GPHN: variants seen among roughly 807,000 people sequenced by gnomAD.
GPHN encodes gephyrin.
In GPHN, 17 loss-of-function variants were observed where a neutral mutation model predicts 95.5. The observed-to-expected ratio is 0.18, with a 90% confidence interval of 0.12 to 0.27. The LOEUF is 0.27. Ranked by LOEUF, GPHN falls within the 10% of genes least tolerant of loss-of-function variation. The probability of loss-of-function intolerance (pLI) is 1.00; values close to 1 mark genes in which losing one functional copy is unlikely to be tolerated. For synonymous variants in GPHN, 320 were observed against 322.5 expected, an observed-to-expected ratio of 0.99 and a Z score of 0.08; for missense variants, 660 against 978.1, an observed-to-expected ratio of 0.67 and a Z score of 4.34.
At chr14:67,596,295 A>ATTTTTTTTTT in the GPHN span, among the ~76,000 whole-genome samples, 5 of 60,218 alleles carry the variant, frequency 8.3e-5, 1 homozygote, top group East Asian at 1.7e-3. Context: ...CGCCCAGCTA[A>ATTTTTTTTTT]TTTTTTTTTT....
At chr14:67,586,618 AAAT>A in the GPHN span, 1 of 438,142 alleles carries the variant, frequency 2.3e-6, no homozygotes, top group Non-Finnish European at 4.0e-6. Flanking sequence ...TGACCAGCAA[AAAT>A]AATAATTACA....
chr14:67,048,312 C>T (rs777321730), intron 10 of GPHN, among the ~76,000 whole-genome samples: 2 of 152,180 alleles, frequency 1.3e-5, no homozygotes, highest in Non-Finnish European at 2.9e-5. Flanking sequence ...GGAAATCTCA[C>T]TAACATTTTT....
chr14:66,720,764 C>G (rs145497562), intron 2 of GPHN, among the ~76,000 whole-genome samples: 160 of 152,222 alleles, frequency 1.1e-3, no homozygotes, highest in African/African-American at 3.7e-3. Flanking sequence ...TTTTTGGAGT[C>G]CAACGCAAGT....
the GPHN span, among the ~76,000 whole-genome samples, chr14:67,604,752 CT>C: frequency 6.6e-6 from 1 of 151,892 alleles, no homozygotes; most frequent in South Asian, 2.1e-4. Context: ...TTTTTTTTCC[CT>C]AGAAGCTTAA....
At chr14:67,573,155 C>G in the GPHN span, 2 of 654,006 alleles carry the variant, frequency 3.1e-6, no homozygotes, top group East Asian at 5.5e-5. This position sits in a 1 kb window ranked among gnomAD's most constrained non-coding sequence, Gnocchi z 4.8. Flanking sequence ...AGTAGGTACT[C>G]AATAATTTTG....
chr14:67,301,257 C>A, the GPHN span: 47 of 484,460 alleles, frequency 9.7e-5, 1 homozygote, highest in Non-Finnish European at 1.6e-4. Flanking sequence ...TCTAATAATT[C>A]TTTTTAGTGA....
At chr14:66,803,297 GA>G (rs1421873282) in intron 3 of GPHN, among the ~76,000 whole-genome samples, 1 of 152,194 alleles carries the variant, frequency 6.6e-6, no homozygotes, top group Non-Finnish European at 1.5e-5. Context: ...ACTGCCACGG[GA>G]TAGGACAGGG....
At chr14:66,760,194 C>G (rs1389858924) in intron 2 of GPHN, among the ~76,000 whole-genome samples, 6 of 152,118 alleles carry the variant, frequency 3.9e-5, no homozygotes, top group African/African-American at 1.2e-4. Context: ...TTCTATCTAG[C>G]ACATGAAATA....
At chr14:66,960,672 T>G (rs2068839848) in intron 8 of GPHN, among the ~76,000 whole-genome samples, 1 of 152,108 alleles carries the variant, frequency 6.6e-6, no homozygotes, top group South Asian at 2.1e-4. Context: ...AGGTCACACT[T>G]CAACACTCAG....
chr14:67,495,127 T>C, the GPHN span, among the ~76,000 whole-genome samples: 1 of 151,838 alleles, frequency 6.6e-6, no homozygotes. Context: ...GGACAGGGGG[T>C]GGGGCCCAGG....
At chr14:67,289,146 T>C in the GPHN span, among the ~76,000 whole-genome samples, 37 of 151,210 alleles carry the variant, frequency 2.4e-4, no homozygotes, top group Middle Eastern at 3.4e-3. Flanking sequence ...TTTGCATTTT[T>C]TTGTAGACCT....
At chr14:67,508,559 A>G in the GPHN span, among the ~76,000 whole-genome samples, 1 of 151,302 alleles carries the variant, frequency 6.6e-6, no homozygotes, top group Admixed American at 6.6e-5. Flanking sequence ...CACCACCTTA[A>G]CCCTCATTCC....
At chr14:66,776,405 T>A in intron 2 of GPHN, 59 bp from the exon 3 acceptor site, 1 of 1,002,278 alleles carries the variant, frequency 1.0e-6, no homozygotes, top group Non-Finnish European at 1.6e-6. Context: ...GGCAGAAATC[T>A]TTCATACATT....
chr14:66,963,804 A>G (rs548207486), intron 8 of GPHN, among the ~76,000 whole-genome samples: 12 of 152,190 alleles, frequency 7.9e-5, no homozygotes, highest in South Asian at 6.2e-4. Context: ...ATATCTTTGG[A>G]ATTAAGGATG....
At chr14:66,728,768 A>G (rs1047830900) in intron 2 of GPHN, among the ~76,000 whole-genome samples, 2 of 152,088 alleles carry the variant, frequency 1.3e-5, no homozygotes, top group Non-Finnish European at 2.9e-5. Context: ...CTCAGATGAG[A>G]CTTTGGGCTG....
chr14:66,722,724 T>C (rs1310258224), intron 2 of GPHN, among the ~76,000 whole-genome samples: 1 of 152,076 alleles, frequency 6.6e-6, no homozygotes, highest in East Asian at 1.9e-4. Flanking sequence ...ATTACAGGAG[T>C]GAGCCACCAT....
the GPHN span, among the ~76,000 whole-genome samples, chr14:67,461,756 G>C: frequency 6.6e-6 from 1 of 152,374 alleles, no homozygotes; most frequent in East Asian, 1.9e-4. Flanking sequence ...CCTGCAAAAG[G>C]TGCCATCTGG....
the GPHN span, chr14:67,383,646 T>A: frequency 1.9e-5 from 11 of 587,254 alleles, no homozygotes; most frequent in Middle Eastern, 4.7e-4. Context: ...ACTTTGAGCA[T>A]TTTTAAGGGA....
chr14:66,538,681 C>G lies in GPHN; in HGVS notation c.64+30090C>G, dbSNP rs553077566. On this transcript the variant is annotated intron_variant, in intron 1 of 22. Transcript: ENST00000478722. The stretch of plus-strand genomic sequence containing the variant: ...ATTTTTTTTCCTTCCCTTTCATTAG[C>G]CTATGGATAATGGCTATTTTAAAGC... Among the ~76,000 whole-genome samples the G allele has an allele frequency of 4.0e-5, 6 of 151,246 alleles. No individual in the cohort carries two copies. In the South Asian group the frequency reaches 1.3e-3, roughly 32 times the overall value.
Sources: gnomAD v4.1 joint callset for allele counts (sites outside exome capture counted in the v4.1 genomes callset) on GRCh38, gnomAD v4.1.1 for gene constraint, Gnocchi (gnomAD v3.1) non-coding constraint, MANE v1.5 for transcripts, NCBI Gene and HGNC (gene_info 2026-07-23, HGNC 2026-07-21) for gene names.